ISCA1: variants seen among roughly 807,000 people sequenced by gnomAD.
ISCA1 encodes the protein iron-sulfur cluster assembly 1 homolog, mitochondrial.
ISCA1 carries 9 observed loss-of-function variants against 14.7 expected under a neutral mutation model. That is an observed-to-expected ratio of 0.61 (90% CI 0.37 to 1.07). The LOEUF (loss-of-function observed/expected upper bound fraction) is 1.07, where lower values mean the gene tolerates loss of function less well. Among genes scored for constraint, ISCA1 ranks in the 50% least tolerant of loss-of-function variants. The pLI is 0.01. For missense variants in ISCA1, 102 were observed against 150.1 expected, an observed-to-expected ratio of 0.68 and a Z score of 1.67; for synonymous variants, 38 against 54.3, an observed-to-expected ratio of 0.70 and a Z score of 1.32.
intron 1 of ISCA1, among the ~76,000 whole-genome samples, chr9:86,280,238 T>G (rs565754774): frequency 2.6e-5 from 4 of 152,210 alleles, no homozygotes; most frequent in African/African-American, 9.6e-5. Flanking sequence ...CAGCAGATCT[T>G]GATAAATGTC....
chr9:86,268,733 C>T (rs1335504694), intron 3 of ISCA1, among the ~76,000 whole-genome samples: 4 of 151,664 alleles, frequency 2.6e-5, no homozygotes, highest in Admixed American at 6.6e-5. Context: ...ATGGAGGTCT[C>T]GCTATGTTGC....
intron 1 of ISCA1, among the ~76,000 whole-genome samples, chr9:86,280,596 A>G (rs10121963): frequency 0.37 from 48,644 of 132,644 alleles, 8,366 homozygotes; most frequent in Middle Eastern, 0.58. Flanking sequence ...CCCTGTCTCA[A>G]AAAAAAAAAA....
chr9:86,273,741 A>G (rs1286885720), intron 2 of ISCA1, among the ~76,000 whole-genome samples: 1 of 152,192 alleles, frequency 6.6e-6, no homozygotes, highest in Admixed American at 6.5e-5. Flanking sequence ...AGTACTCACC[A>G]TACTTTTACT....
intron 1 of ISCA1, among the ~76,000 whole-genome samples, chr9:86,281,067 C>T (rs1299591048): frequency 6.6e-6 from 1 of 151,938 alleles, no homozygotes; most frequent in Non-Finnish European, 1.5e-5. Context: ...TCTACCATTA[C>T]CAGTGGAAGA....
chr9:86,275,240 A>G (rs1825426309), intron 1 of ISCA1, among the ~76,000 whole-genome samples: 1 of 152,246 alleles, frequency 6.6e-6, no homozygotes, highest in Admixed American at 6.5e-5. Flanking sequence ...ATCATAATGA[A>G]GACATTATGT....
intron 1 of ISCA1, among the ~76,000 whole-genome samples, chr9:86,281,095 C>T (rs1323337045): frequency 6.6e-6 from 1 of 152,096 alleles, no homozygotes; most frequent in African/African-American, 2.4e-5. Context: ...ATAATTCTTA[C>T]TGAGATTGAA....
In ISCA1 at chr9:86,265,466, T is replaced by C. The variant is rs532826596; in HGVS notation, c.*577A>G. 1 of 154,100 alleles carries C rather than the reference T, an allele frequency of 6.5e-6. No individual in the cohort carries two copies. Among genetic ancestry groups the C allele is most frequent in the African/African-American group, 2.4e-5 (1 of 41,598 alleles). The allele number at this position is 154,100 out of a possible 1,614,324, so 9.5% of individuals were successfully genotyped here. On this transcript the variant is annotated 3_prime_UTR_variant, in exon 4 of 4. Coordinates refer to ENST00000375991, the MANE Select transcript of ISCA1 (RefSeq NM_030940.4). ...AAGAAATGGATTAAAAAAAGGCGGA[T>C]GACGTCTTTCTCACCTTTTGATACC...
In ISCA1 at chr9:86,271,143, T is replaced by C. The variant is rs577984184; in HGVS notation, c.241+864A>G. Among the ~76,000 whole-genome samples the C allele has an allele frequency of 2.0e-5, 3 of 152,246 alleles. No homozygotes were observed. The South Asian group carries it at 6.2e-4, about 32-fold the overall frequency. ...TCACTATACTTTTTCTTTGTTTAGG[T>C]ACGTTTACACAAATACTTACCATTG... On this transcript the variant is annotated intron_variant, in intron 3 of 3. Transcript: ENST00000375991.
At chr9:86,282,326 G>A (rs1825531374) in intron 1 of ISCA1, 52 bp downstream of exon 1, 1 of 1,513,242 alleles carries the variant, frequency 6.6e-7, no homozygotes, top group East Asian at 2.5e-5. Context: ...CCCCTTGCAC[G>A]GGGCGGACAC....
intron 1 of ISCA1, among the ~76,000 whole-genome samples, chr9:86,276,127 T>C (rs1032927848): frequency 6.6e-6 from 1 of 151,964 alleles, no homozygotes; most frequent in Non-Finnish European, 1.5e-5. Flanking sequence ...CCTGAGCTTG[T>C]TTTTCTGCAA....
At chr9:86,282,271 G>A (rs928749255) in intron 1 of ISCA1, 107 bp downstream of exon 1, 663 of 1,249,114 alleles carry the variant, frequency 5.3e-4, no homozygotes, top group Non-Finnish European at 6.8e-4. Flanking sequence ...GCCGAGGTCT[G>A]ACGTGTCCGC....
At chr9:86,281,113 C>A (rs779016552) in intron 1 of ISCA1, among the ~76,000 whole-genome samples, 11 of 152,228 alleles carry the variant, frequency 7.2e-5, no homozygotes, top group Admixed American at 3.9e-4. Flanking sequence ...GAAAGAGACA[C>A]AAAGAATGAG....
At chr9:86,275,920 C>T (rs540265109) in intron 1 of ISCA1, among the ~76,000 whole-genome samples, 3 of 152,168 alleles carry the variant, frequency 2.0e-5, no homozygotes, top group South Asian at 4.1e-4. Flanking sequence ...TGCTCATTAC[C>T]CTTCTAAAGC....
chr9:86,281,498 T>C (rs1335323552), intron 1 of ISCA1, among the ~76,000 whole-genome samples: 1 of 152,196 alleles, frequency 6.6e-6, no homozygotes, highest in Non-Finnish European at 1.5e-5. Flanking sequence ...AATTTTTCTT[T>C]TGGGGTGAAA....
At chr9:86,282,248 G>A (rs1054802189) in intron 1 of ISCA1, 130 bp downstream of exon 1, 12 of 977,982 alleles carry the variant, frequency 1.2e-5, no homozygotes, top group South Asian at 1.8e-5. Context: ...GCTGTGCGGC[G>A]GGTCGGAGCG....
chr9:86,265,516 T>C lies in ISCA1; in HGVS notation c.*527A>G, dbSNP rs1415336611. The C allele has an allele frequency of 2.3e-5, 4 of 174,950 alleles. No homozygotes were observed. Among genetic ancestry groups the C allele is most frequent in the African/African-American group, 4.8e-5 (2 of 41,744 alleles). The allele number at this position is 174,950 out of a possible 1,614,324, so 10.8% of individuals were successfully genotyped here. On this transcript the variant is annotated 3_prime_UTR_variant, in exon 4 of 4. Transcript: ENST00000375991. ...CATCACTCAGAACTAATCTGTACTATAGTTGAAGAAAATCTTTGCCTGGTA... is the reference window on the plus strand; with the variant it reads ...CATCACTCAGAACTAATCTGTACTACAGTTGAAGAAAATCTTTGCCTGGTA...
intron 3 of ISCA1, among the ~76,000 whole-genome samples, chr9:86,270,002 T>A (rs1212953176): frequency 6.6e-6 from 1 of 151,488 alleles, no homozygotes; most frequent in East Asian, 1.9e-4. Flanking sequence ...GAAGAAAACC[T>A]AGGCATTACC....
chr9:86,272,567 A>G (rs1017122984), intron 2 of ISCA1, among the ~76,000 whole-genome samples: 1 of 152,232 alleles, frequency 6.6e-6, no homozygotes, highest in African/African-American at 2.4e-5. Flanking sequence ...GTGACCAAAC[A>G]GCACTTTAAA....
intron 3 of ISCA1, among the ~76,000 whole-genome samples, chr9:86,269,573 A>G (rs564356937): frequency 1.5e-3 from 223 of 152,172 alleles, no homozygotes; most frequent in African/African-American, 5.2e-3. Context: ...CTTTCTTCAC[A>G]GAATTGGAAA....
Sources: gnomAD v4.1 joint callset for allele counts (sites outside exome capture counted in the v4.1 genomes callset) on GRCh38, gnomAD v4.1.1 for gene constraint, MANE v1.5 for transcripts, NCBI Gene and HGNC (gene_info 2026-07-23, HGNC 2026-07-21) for gene names.